EFCAB8: variants seen among roughly 807,000 people sequenced by gnomAD.
EFCAB8 encodes EF-hand calcium binding domain 8.
Under a neutral mutation model 116.3 loss-of-function variants are expected in EFCAB8, and 100 were observed. The ratio of observed to expected loss-of-function variants is 0.86; its 90% CI spans 0.73 to 1.02. The LOEUF (loss-of-function observed/expected upper bound fraction) is 1.02. Among genes scored for constraint, EFCAB8 ranks in the 50% least tolerant of loss-of-function variants. The probability of loss-of-function intolerance (pLI) is 0.00; values close to 1 mark genes in which losing one functional copy is unlikely to be tolerated. For missense variants in EFCAB8, 1,320 were observed against 1,416.9 expected, an observed-to-expected ratio of 0.93 and a Z score of 1.10; for synonymous variants, 558 against 567.9, an observed-to-expected ratio of 0.98 and a Z score of 0.25.
Position 32,926,572 on chromosome 20 carries a change from C to T in EFCAB8, c.2413-3826C>T, listed in dbSNP as rs1292065878. Among the ~76,000 whole-genome samples, 9 of 149,680 alleles carry T rather than the reference C, an allele frequency of 6.0e-5. No individual in the cohort carries two copies. In the East Asian group the frequency reaches 1.4e-3, roughly 23 times the overall value. On this transcript the variant is annotated intron_variant, in intron 20 of 26. Coordinates refer to ENST00000400522, the MANE Select transcript of EFCAB8 (RefSeq NM_001143967.2). ...ATGTGCACAATGTGCAGGTTAGTTA[C>T]ATATGTATACATGTGCCATGCTGGT...
At chr20:32,928,112 A>G (rs1196013877) in intron 20 of EFCAB8, among the ~76,000 whole-genome samples, 1 of 152,232 alleles carries the variant, frequency 6.6e-6, no homozygotes, top group African/African-American at 2.4e-5. Context: ...GTCACTTAGC[A>G]TAATGTCCTC....
Position 32,898,653 on chromosome 20 carries a change from G to A in EFCAB8, c.1088+30G>A, listed in dbSNP as rs368430062. 599 of 715,810 alleles carry A rather than the reference G, an allele frequency of 8.4e-4. 7 individuals carry two copies. The highest frequency in any genetic ancestry group is 5.0e-3 in the South Asian group (340 of 67,450). The allele number at this position is 715,810 out of a possible 1,614,324, so 44.3% of individuals were successfully genotyped here. On this transcript the variant is annotated intron_variant, in intron 11 of 26. Transcript: ENST00000400522. ...GAAGTGCTTCTCTCCTGGCTAAGGC[G>A]GTGGGGCTGGAAGGGAGGGGGGTGG...
At chr20:32,864,338 C>T (rs933415767) in intron 2 of EFCAB8, among the ~76,000 whole-genome samples, 13 of 151,826 alleles carry the variant, frequency 8.6e-5, no homozygotes, top group Non-Finnish European at 1.8e-4. Context: ...AGTCCCAGCA[C>T]TTTGTGAGGT....
intron 1 of EFCAB8, among the ~76,000 whole-genome samples, chr20:32,859,880 A>T (rs1984013614): frequency 6.6e-6 from 1 of 152,266 alleles, no homozygotes; most frequent in Non-Finnish European, 1.5e-5. Context: ...TTCACCAAAT[A>T]ACAGCCCTTG....
At position 32,942,157 on chromosome 20, in the gene EFCAB8, C is replaced by A. The variant is rs145478289; in HGVS notation, c.2791-1479C>A. On this transcript the variant is annotated intron_variant, in intron 22 of 26. Transcript: ENST00000400522. ...GGATCCTCTAGGTCTATCAGAGTGT[C>A]TTTCTTATAGAAGGCATTCAATAAA... 2.3e-4 allele frequency among the ~76,000 whole-genome samples: 35 copies of A among 152,132 alleles called. No homozygotes were observed. The East Asian group carries it at 6.4e-3, about 28-fold the overall frequency.
intron 20 of EFCAB8, among the ~76,000 whole-genome samples, chr20:32,929,173 T>G (rs965347824): frequency 6.6e-6 from 1 of 152,006 alleles, no homozygotes; most frequent in Non-Finnish European, 1.5e-5. Context: ...TGTCTGACTT[T>G]GATATCAGGG....
intron 20 of EFCAB8, among the ~76,000 whole-genome samples, chr20:32,924,001 T>C (rs1298810349): frequency 6.6e-6 from 1 of 152,230 alleles, no homozygotes; most frequent in Non-Finnish European, 1.5e-5. Flanking sequence ...TGGTAGCTAG[T>C]AATTATTGAG....
In EFCAB8 at chr20:32,931,195, T is replaced by G; in HGVS notation, c.2649T>G (p.Asp883Glu). The G allele has an allele frequency of 6.5e-7, 1 of 1,546,722 alleles. No individual in the cohort carries two copies. The highest frequency in any genetic ancestry group is 8.7e-7 in the Non-Finnish European group (1 of 1,144,730). ...KGYIKIWDIK[D>E]YCALIDKQPF... ...ATGTCTAGATCTGGGACATCAAGGATTACTGCGCATTGATTGATAAACAGC... is the reference window on the plus strand; with the variant it reads ...ATGTCTAGATCTGGGACATCAAGGAGTACTGCGCATTGATTGATAAACAGC... Residue 883 changes from aspartate to glutamate, a missense_variant, in exon 22 of 27, where the codon GAT becomes GAG. Asp to Glu is a conservative substitution (Grantham distance 45, BLOSUM62 2). Coordinates refer to ENST00000400522, the MANE Select transcript of EFCAB8 (RefSeq NM_001143967.2).
intron 13 of EFCAB8, among the ~76,000 whole-genome samples, chr20:32,908,047 G>C: frequency 6.6e-6 from 1 of 152,202 alleles, no homozygotes; most frequent in Non-Finnish European, 1.5e-5. Context: ...GCAGGCTGGG[G>C]GTGGAGCTGT....
intron 10 of EFCAB8, among the ~76,000 whole-genome samples, chr20:32,898,223 T>C (rs534572629): frequency 1.3e-5 from 2 of 152,356 alleles, no homozygotes; most frequent in South Asian, 4.1e-4. Context: ...AGTATGGGCC[T>C]GACCTTCCCC....
In EFCAB8 at chr20:32,953,642, T is replaced by A. The variant is rs534295216; in HGVS notation, c.2960-4779T>A. Among the ~76,000 whole-genome samples the A allele has an allele frequency of 2.9e-4, 44 of 152,342 alleles. No individual in the cohort carries two copies. The South Asian group carries it at 6.8e-3, about 24-fold the overall frequency. On this transcript the variant is annotated intron_variant, in intron 23 of 26. Transcript: ENST00000400522. ...TATATCATCTTTGGAGAAATAAATA[T>A]CTATTCAAGTCTTTTGCCCATTTTC...
At chr20:32,946,416 G>A (rs575344332) in intron 23 of EFCAB8, among the ~76,000 whole-genome samples, 1 of 152,100 alleles carries the variant, frequency 6.6e-6, no homozygotes, top group East Asian at 1.9e-4. Flanking sequence ...TGTTTTTTTG[G>A]TTTTTGTTTG....
At chr20:32,903,498 A>T (rs2146230779) in intron 11 of EFCAB8, 2 of 152,348 alleles carry the variant, frequency 1.3e-5, no homozygotes, top group Middle Eastern at 3.4e-3. Context: ...TGCCCCTGGT[A>T]ATCCTGGCAG....
At chr20:32,897,245 G>A (rs1986203800) in intron 10 of EFCAB8, among the ~76,000 whole-genome samples, 2 of 151,928 alleles carry the variant, frequency 1.3e-5, no homozygotes, top group Admixed American at 6.6e-5. Context: ...TGTGTGGTCC[G>A]ACCATTGATT....
At chr20:32,919,967 A>G (rs768285706) in intron 19 of EFCAB8, 111 bp from the exon 20 acceptor site, 12 of 1,381,832 alleles carry the variant, frequency 8.7e-6, no homozygotes, top group Admixed American at 4.3e-5. Context: ...CAGTGTACCT[A>G]CTGCGGGGGC....
chr20:32,939,185 TTCTTTCTTTCTTTCTTTC>T (rs1190325391), intron 22 of EFCAB8, among the ~76,000 whole-genome samples: 1 of 105,810 alleles, frequency 9.5e-6, no homozygotes. Flanking sequence ...CTTTCTTTCT[TTCTTTCTTTCTTTCTTTC>T]CTCTCTCTCT....
rs1482464467 is a variant in EFCAB8 at position 32,876,054 on chromosome 20, G to T, written c.327+10G>T. 6.4e-7 allele frequency: 1 copy of T among 1,550,730 alleles called. No individual in the cohort carries two copies. Among genetic ancestry groups the T allele is most frequent in the Non-Finnish European group, 8.7e-7 (1 of 1,146,314 alleles). The stretch of plus-strand genomic sequence containing the variant: ...AGGCTTTGTCACCTGGGTGAGGAGG[G>T]TGCCCCTGCTTCCTCAGGTGCTGGA... On this transcript the variant is annotated intron_variant, in intron 4 of 26. Coordinates refer to ENST00000400522, the MANE Select transcript of EFCAB8 (RefSeq NM_001143967.2).
rs114813053 is a variant in EFCAB8 at position 32,914,336 on chromosome 20, G to A, written c.1856+1472G>A. On this transcript the variant is annotated intron_variant, in intron 17 of 26. Transcript: ENST00000400522. ...TGTACTCTGGGCTGGTGATGGGAGGGACAGTCCTGATGATCTCTGAGTTGC... is the reference window on the plus strand; with the variant it reads ...TGTACTCTGGGCTGGTGATGGGAGGAACAGTCCTGATGATCTCTGAGTTGC... 4.7e-3 allele frequency among the ~76,000 whole-genome samples: 717 copies of A among 152,310 alleles called. 8 individuals carry two copies. The highest frequency in any genetic ancestry group is 0.017 in the African/African-American group (690 of 41,576).
chr20:32,865,653 G>A (rs1014526306), intron 2 of EFCAB8, among the ~76,000 whole-genome samples: 2 of 151,930 alleles, frequency 1.3e-5, no homozygotes, highest in South Asian at 2.1e-4. Context: ...CAAAAAATTA[G>A]CCAGGCGTGG....
Sources: gnomAD v4.1 joint callset for allele counts (sites outside exome capture counted in the v4.1 genomes callset) on GRCh38, gnomAD v4.1.1 for gene constraint, MANE v1.5 for transcripts, NCBI Gene and HGNC (gene_info 2026-07-23, HGNC 2026-07-21) for gene names.